GFOD2: variants seen among roughly 807,000 people sequenced by gnomAD.
The protein encoded by GFOD2 is glucose-fructose oxidoreductase domain-containing protein 2.
GFOD2 carries 9 observed loss-of-function variants against 24.6 expected under a neutral mutation model. That is an observed-to-expected ratio of 0.37 (90% CI 0.22 to 0.64). The LOEUF is 0.64. Ranked by LOEUF, GFOD2 falls within the 30% of genes least tolerant of loss-of-function variation. GFOD2 has a pLI of 0.65. For missense variants in GFOD2, 476 were observed against 532.5 expected (o/e 0.89, Z 1.04); for synonymous variants, 211 against 224.8 (o/e 0.94, Z 0.55).
chr16:67,691,517 C>G (rs1031446062), intron 1 of GFOD2, among the ~76,000 whole-genome samples: 1 of 139,920 alleles, frequency 7.1e-6, no homozygotes, highest in Admixed American at 7.1e-5. Context: ...GACCCCCCCC[C>G]AAAAAAAAAA....
At chr16:67,700,387 T>A (rs763910464) in intron 1 of GFOD2, among the ~76,000 whole-genome samples, 67 of 146,988 alleles carry the variant, frequency 4.6e-4, no homozygotes, top group Non-Finnish European at 8.9e-4. Context: ...AAAAAAAAAA[T>A]TAAATTTAAT....
chr16:67,700,342 T>C (rs2053392852), intron 1 of GFOD2, among the ~76,000 whole-genome samples: 2 of 150,910 alleles, frequency 1.3e-5, no homozygotes, highest in South Asian at 4.2e-4. Flanking sequence ...GCCACTGCAC[T>C]CCAGCCTGGG....
intron 2 of GFOD2, chr16:67,683,468 A>T: frequency 8.1e-7 from 1 of 1,231,456 alleles, no homozygotes; most frequent in Non-Finnish European, 1.0e-6. Context: ...CTTGCTGCTA[A>T]AGTGTTGACT....
chr16:67,703,935 T>C (rs1252919604), intron 1 of GFOD2, among the ~76,000 whole-genome samples: 1 of 152,224 alleles, frequency 6.6e-6, no homozygotes, highest in Non-Finnish European at 1.5e-5. Context: ...AGTGGAATCA[T>C]ACAGTATGTG....
intron 2 of GFOD2, chr16:67,676,266 C>G (rs541954465): frequency 3.4e-6 from 2 of 583,626 alleles, no homozygotes; most frequent in East Asian, 5.8e-5. Context: ...TAAGTGGGAC[C>G]ACAGGTGTGT....
intron 1 of GFOD2, among the ~76,000 whole-genome samples, chr16:67,695,214 C>T (rs1457588744): frequency 1.3e-5 from 2 of 152,000 alleles, no homozygotes; most frequent in East Asian, 3.9e-4. Context: ...CCAGGCTGGT[C>T]TCGAACTCCT....
intron 1 of GFOD2, among the ~76,000 whole-genome samples, chr16:67,713,774 G>A (rs1042320586): frequency 3.9e-5 from 6 of 152,142 alleles, no homozygotes; most frequent in African/African-American, 1.4e-4. Flanking sequence ...GGCCATTGAC[G>A]ATCAACTTAA....
intron 1 of GFOD2, among the ~76,000 whole-genome samples, chr16:67,708,555 C>T (rs112089243): frequency 2.3e-3 from 348 of 152,268 alleles, no homozygotes; most frequent in Non-Finnish European, 4.0e-3. Context: ...GGGGTTCTCC[C>T]GTATCATTTC....
At chr16:67,687,465 C>A (rs1270820144) in intron 1 of GFOD2, among the ~76,000 whole-genome samples, 1 of 151,012 alleles carries the variant, frequency 6.6e-6, no homozygotes, top group Admixed American at 6.6e-5. Flanking sequence ...ACAGTGAAAC[C>A]CTGTCTCTAC....
At position 67,675,861 on chromosome 16, in the gene GFOD2, C is replaced by T. The variant is rs762598999; in HGVS notation, c.452G>A (p.Arg151His). The T allele has an allele frequency of 2.0e-5, 32 of 1,614,014 alleles. No individual in the cohort carries two copies. In the Admixed American group the frequency reaches 2.3e-4, roughly 12 times the overall value. The change falls in exon 3 of 3, where the codon CGC becomes CAC. Residue 151 changes from arginine to histidine, a missense_variant. Transcript: ENST00000268797. ...GCTCAGCAGGCTGCCTGAGTAGATG[C>T]GGGCATCACAGATCATCACCGCTCC... ...YVGAVMICDA[R>H]IYSGSLLSPS...
intron 1 of GFOD2, among the ~76,000 whole-genome samples, chr16:67,712,237 T>A (rs2053479049): frequency 6.7e-6 from 1 of 148,332 alleles, no homozygotes; most frequent in Admixed American, 6.7e-5. Flanking sequence ...TCTTGCAATG[T>A]TTAAAAATGT....
chr16:67,714,702 G>A (rs2053496283), intron 1 of GFOD2, among the ~76,000 whole-genome samples: 1 of 152,052 alleles, frequency 6.6e-6, no homozygotes, highest in South Asian at 2.1e-4. Flanking sequence ...GTTATCCCAG[G>A]CCAGAAAGGA....
intron 2 of GFOD2, chr16:67,682,654 G>A (rs2053236314): frequency 1.0e-6 from 1 of 985,088 alleles, no homozygotes; most frequent in South Asian, 4.7e-5. Context: ...TATTATCTCT[G>A]GAAGGTTAAG....
chr16:67,676,485 A>C (rs531724924), intron 2 of GFOD2: 2 of 176,626 alleles, frequency 1.1e-5, no homozygotes, highest in South Asian at 2.7e-4. Context: ...AACCCTGAAT[A>C]ACACAGGTGG....
chr16:67,691,820 A>G (rs1368582329), intron 1 of GFOD2, among the ~76,000 whole-genome samples: 1 of 152,144 alleles, frequency 6.6e-6, no homozygotes, highest in Non-Finnish European at 1.5e-5. Context: ...GGATGCGCCT[A>G]CTCACTGGTG....
At chr16:67,712,105 AGAAT>A (rs781082541) in intron 1 of GFOD2, among the ~76,000 whole-genome samples, 4 of 152,214 alleles carry the variant, frequency 2.6e-5, no homozygotes, top group Admixed American at 6.5e-5. Context: ...ATTTGCTGAA[AGAAT>A]GAAAGATTTC....
At chr16:67,715,619 A>C (rs1212401154) in intron 1 of GFOD2, among the ~76,000 whole-genome samples, 5 of 152,186 alleles carry the variant, frequency 3.3e-5, no homozygotes, top group African/African-American at 1.2e-4. Flanking sequence ...TCAAGTAATA[A>C]GGACTTTTAG....
intron 1 of GFOD2, among the ~76,000 whole-genome samples, chr16:67,704,960 G>C (rs997036932): frequency 1.3e-5 from 2 of 152,184 alleles, no homozygotes; most frequent in African/African-American, 4.8e-5. Context: ...ATTGACAGTA[G>C]TTTATGGAGT....
rs1424565568 is a variant in GFOD2, at chr16:67,675,717, C to G, written c.596G>C (p.Gly199Ala). Residue 199 changes from glycine to alanine, a missense_variant, in exon 3 of 3, where the codon GGG becomes GCG. Physicochemically the swap from Gly to Ala is moderately conservative, Grantham distance 60 (BLOSUM62 0). Coordinates refer to ENST00000268797, the MANE Select transcript of GFOD2 (RefSeq NM_030819.4). ...LTGRRAEKVHGLLKTFVRQNA... is the reference protein window; with the variant it reads ...LTGRRAEKVHALLKTFVRQNA... ...CTGCCTCACGAATGTCTTGAGCAGC[C>G]CGTGCACCTTCTCGGCTCTCCGGCC... The G allele has an allele frequency of 6.2e-7, 1 of 1,614,102 alleles. No individual in the cohort carries two copies. Among genetic ancestry groups the G allele is most frequent in the Admixed American group, 1.7e-5 (1 of 60,036 alleles).
Sources: gnomAD v4.1 joint callset for allele counts (sites outside exome capture counted in the v4.1 genomes callset) on GRCh38, gnomAD v4.1.1 for gene constraint, MANE v1.5 for transcripts, NCBI Gene and HGNC (gene_info 2026-07-23, HGNC 2026-07-21) for gene names.